KANK3: variants seen among roughly 807,000 people sequenced by gnomAD.
KANK3 encodes the protein KN motif and ankyrin repeat domain-containing protein 3.
KANK3 carries 61 observed loss-of-function variants against 65.4 expected under a neutral mutation model. That is an observed-to-expected ratio of 0.93 (90% CI 0.76 to 1.15). KANK3 has a LOEUF of 1.15. KANK3 is among the 50% of genes most tolerant of loss of function. The pLI is 0.00. For synonymous variants in KANK3, 586 were observed against 543.3 expected (o/e 1.08, Z -1.09); for missense variants, 1,187 against 1,178.8 (o/e 1.01, Z -0.10).
rs1462129637 is a variant in KANK3 at position 8,335,210 on chromosome 19, G to A, written c.617C>T (p.Thr206Met). ...CACCTGCTCCTGCAGCTCGGGCAGC[G>A]TTCGCGCCTGGTCCTCGAGCTCGCG... Reference protein sequence around the residue: ...RLRELEDQARTLPELQEQVRA... With the variant: ...RLRELEDQARMLPELQEQVRA... Residue 206 changes from threonine (T) to methionine (M), a missense_variant, in exon 3 of 11, where the codon ACG becomes ATG. This residue lies in a region of KANK3 where 1,078 missense variants were observed against 1,038.2 expected (regional missense o/e 1.04). Coordinates refer to ENST00000330915, the MANE Select transcript of KANK3 (RefSeq NM_198471.3). The A allele has an allele frequency of 1.3e-5, 16 of 1,220,686 alleles. No homozygotes were observed. The highest frequency in any genetic ancestry group is 1.6e-5 in the Non-Finnish European group (16 of 980,306). The allele number at this position is 1,220,686 out of a possible 1,614,324, so 75.6% of individuals were successfully genotyped here. A position where few individuals can be genotyped will look rare whatever the true frequency, so the allele number is the denominator to read the frequency against.
At chr19:8,340,291 T>TATATATATATATACACACAC (rs1472181365) in intron 1 of KANK3, among the ~76,000 whole-genome samples, 1 of 92,860 alleles carries the variant, frequency 1.1e-5, no homozygotes, top group African/African-American at 4.4e-5. Context: ...TATATATATA[T>TATATATATATATACACACAC]ACACACACAC....
chr19:8,333,247 C>A lies in KANK3; in HGVS notation c.1720-17G>T. On this transcript the variant is annotated splice_polypyrimidine_tract_variant and intron_variant, in intron 6 of 10. Transcript: ENST00000330915. The surrounding 1 kb of genome is among the most constrained non-coding windows in gnomAD (Gnocchi z 5.0). ...CACTGCGCCCTGCAAGGGACAGGGG[C>A]CAAGATAACATCGGCGATGGTCCAC... The A allele has an allele frequency of 6.3e-7, 1 of 1,592,762 alleles. No homozygotes were observed.
intron 2 of KANK3, among the ~76,000 whole-genome samples, chr19:8,337,112 A>T (rs1970653419): frequency 6.6e-6 from 1 of 151,526 alleles, no homozygotes. Flanking sequence ...GGCTCATTGC[A>T]GCCTCTGCCT....
Position 8,335,630 on chromosome 19 carries a change from C to T in KANK3, c.197G>A (p.Gly66Glu). The change falls in exon 3 of 11, where the codon GGA (glycine) becomes GAA (glutamate). Residue 66 changes from glycine (G) to glutamate (E), a missense_variant. Around this residue, in one of 3 missense-constraint regions of KANK3, gnomAD observed 104 missense variants for 122.1 expected, o/e 0.85. Coordinates refer to ENST00000330915, the MANE Select transcript of KANK3 (RefSeq NM_198471.3). ...GCGGGGACGGCGCGAGGTCGGGGGT[C>T]CCGGGGCGCGGCGGGCAGCGGGGCC... ...ERGPAARRAPGPPTSRRPRAP... is the reference protein window; with the variant it reads ...ERGPAARRAPEPPTSRRPRAP... 8.0e-7 allele frequency: 1 copy of T among 1,243,564 alleles called. No homozygotes were observed. The allele number at this position is 1,243,564 out of a possible 1,614,324, so 77.0% of individuals were successfully genotyped here.
In KANK3 at chr19:8,337,226, C is replaced by T. The variant is rs1349776044; in HGVS notation, c.34+569G>A. On this transcript the variant is annotated intron_variant, in intron 2 of 10. Coordinates refer to ENST00000330915, the MANE Select transcript of KANK3 (RefSeq NM_198471.3). Reference sequence around the variant, plus strand: ...TTTTTTTTTTTTTTTTTTTTTGAGACGCAGTCTCGCTCTGTCGCCCAGGCT... The same window carrying T: ...TTTTTTTTTTTTTTTTTTTTTGAGATGCAGTCTCGCTCTGTCGCCCAGGCT... Among the ~76,000 whole-genome samples the T allele has an allele frequency of 5.4e-5, 5 of 93,280 alleles. No individual in the cohort carries two copies. In the East Asian group the frequency reaches 1.1e-3, roughly 21 times the overall value. The allele number at this position is 93,280 out of a possible 152,430, so 61.2% of individuals were successfully genotyped here.
chr19:8,341,223 CTTTT>C (rs34406874), intron 1 of KANK3, among the ~76,000 whole-genome samples: 2 of 138,702 alleles, frequency 1.4e-5, no homozygotes, highest in Non-Finnish European at 1.6e-5. Flanking sequence ...TGGATATTTA[CTTTT>C]TTTTTTTTTT....
intron 7 of KANK3, among the ~76,000 whole-genome samples, chr19:8,329,115 G>T (rs1426118032): frequency 6.7e-6 from 1 of 149,708 alleles, no homozygotes; most frequent in Non-Finnish European, 1.5e-5. Context: ...ACCTTGCAGT[G>T]AGCCGAGATG....
Position 8,333,717 on chromosome 19 carries a change from C to A in KANK3, c.1719+7G>T. 5.5e-6 allele frequency: 8 copies of A among 1,451,016 alleles called. No individual in the cohort carries two copies. The highest frequency in any genetic ancestry group is 6.4e-6 in the Non-Finnish European group (7 of 1,099,886). 89.9% of individuals were successfully genotyped at this position (1,451,016 alleles called of 1,614,324 possible). A position where few individuals can be genotyped will look rare whatever the true frequency, so the allele number is the denominator to read the frequency against. ...ACTCCCTGGTGCTGCGCTCCCGGGG[C>A]ACTCACGCCGTCGCTGGCTACTCCG... On this transcript the variant is annotated splice_region_variant and intron_variant, in intron 6 of 10. Coordinates refer to ENST00000330915, the MANE Select transcript of KANK3 (RefSeq NM_198471.3). This position sits in a 1 kb window ranked among gnomAD's most constrained non-coding sequence, Gnocchi z 5.0.
intron 7 of KANK3, among the ~76,000 whole-genome samples, chr19:8,328,998 T>C (rs1351095593): frequency 6.8e-6 from 1 of 146,364 alleles, no homozygotes; most frequent in Non-Finnish European, 1.5e-5. Flanking sequence ...TGAAACCCCA[T>C]CTCTACTAAA....
Position 8,335,203 on chromosome 19 carries a change from G to T in KANK3, c.624C>A (p.Pro208=). 1.6e-6 allele frequency: 2 copies of T among 1,219,438 alleles called. No homozygotes were observed. The highest frequency in any genetic ancestry group is 2.0e-6 in the Non-Finnish European group (2 of 979,952). The allele number at this position is 1,219,438 out of a possible 1,614,324, so 75.5% of individuals were successfully genotyped here. The change falls in exon 3 of 11, where the codon CCC becomes CCA. Residue 208 remains proline (P), a synonymous_variant. Transcript: ENST00000330915. ...RELEDQARTL[P]ELQEQVRALR... is the part of the protein sequence containing the mutation. Reference sequence around the variant, plus strand: ...GCGCGCGCACCTGCTCCTGCAGCTCGGGCAGCGTTCGCGCCTGGTCCTCGA... The same window carrying T: ...GCGCGCGCACCTGCTCCTGCAGCTCTGGCAGCGTTCGCGCCTGGTCCTCGA...
intron 10 of KANK3, chr19:8,323,528 T>A (rs1349777340): frequency 6.6e-6 from 1 of 151,974 alleles, no homozygotes; most frequent in East Asian, 1.9e-4. Flanking sequence ...ATTGTGCCGC[T>A]GCACTCCAGC....
At chr19:8,339,980 A>G (rs149585449) in intron 1 of KANK3, among the ~76,000 whole-genome samples, 4,776 of 95,632 alleles carry the variant, frequency 0.05, 144 homozygotes, top group African/African-American at 0.089. Flanking sequence ...AAAAAAAAAA[A>G]AAAAGAAAAG....
Position 8,334,927 on chromosome 19 carries a change from G to A in KANK3, c.900C>T (p.Thr300=), listed in dbSNP as rs1247924212. Residue 300 remains threonine, a synonymous_variant, in exon 3 of 11, where the codon ACC becomes ACT. Coordinates refer to ENST00000330915, the MANE Select transcript of KANK3 (RefSeq NM_198471.3). The part of the protein sequence containing the change: ...EVGSLDGTPQ[T]REVAAEAVPE... Reference sequence around the variant, plus strand: ...GCACGGCCTCGGCGGCCACCTCCCGGGTCTGGGGCGTCCCATCGAGACTCC... The same window carrying A: ...GCACGGCCTCGGCGGCCACCTCCCGAGTCTGGGGCGTCCCATCGAGACTCC... The A allele has an allele frequency of 8.8e-6, 13 of 1,479,428 alleles. No homozygotes were observed. The highest frequency in any genetic ancestry group is 2.9e-5 in the East Asian group (1 of 34,856). The allele number at this position is 1,479,428 out of a possible 1,614,324, so 91.6% of individuals were successfully genotyped here.
intron 7 of KANK3, among the ~76,000 whole-genome samples, chr19:8,328,189 G>A (rs1489359427): frequency 6.6e-6 from 1 of 151,986 alleles, no homozygotes; most frequent in East Asian, 1.9e-4. Flanking sequence ...GAGGAGGGAG[G>A]ATCAATTAGG....
Position 8,333,111 on chromosome 19 carries a change from C to T in KANK3, c.1839G>A (p.Ala613=), listed in dbSNP as rs368061289. ...TGCCATCCGCCAGGTTCACCACGTG[C>T]GCCAGCAGTTCGGGTCCCAGGCGCC... ...GVRRLGPELL[A]HVVNLADGNG... The change falls in exon 7 of 11, where the codon GCG becomes GCA. Residue 613 remains alanine, a synonymous_variant. Transcript: ENST00000330915. The surrounding 1 kb of genome is among the most constrained non-coding windows in gnomAD (Gnocchi z 5.0). The T allele has an allele frequency of 1.1e-5, 18 of 1,613,094 alleles. No homozygotes were observed. Among genetic ancestry groups the T allele is most frequent in the African/African-American group, 1.1e-4 (8 of 75,022 alleles).
At chr19:8,334,209 G>C in intron 4 of KANK3, 93 bp from the exon 5 acceptor site, 2 of 1,519,828 alleles carry the variant, frequency 1.3e-6, no homozygotes, top group Non-Finnish European at 8.8e-7. Flanking sequence ...ATTTAACGAT[G>C]AGGAAACTGA....
chr19:8,331,180 G>A (rs1041616889), intron 7 of KANK3, among the ~76,000 whole-genome samples: 8 of 147,064 alleles, frequency 5.4e-5, no homozygotes, highest in African/African-American at 2.0e-4. Flanking sequence ...GGGCGACAGA[G>A]CAAGACTCCA....
At position 8,335,024 on chromosome 19, in the gene KANK3, C is replaced by CG. The variant is rs1970607476; in HGVS notation, c.802dup (p.Arg268ProfsTer3). 1.4e-6 allele frequency: 2 copies of CG among 1,437,076 alleles called. No homozygotes were observed. The highest frequency in any genetic ancestry group is 1.8e-6 in the Non-Finnish European group (2 of 1,104,190). The allele number at this position is 1,437,076 out of a possible 1,614,324, so 89.0% of individuals were successfully genotyped here. A position where few individuals can be genotyped will look rare whatever the true frequency, so the allele number is the denominator to read the frequency against. ...AGCCAGGCCGTCTGGGCTGTCAGCC[C>CG]GGGGGCTGGCCCTGGCACGGCCGCC... is the stretch of plus-strand genomic sequence containing the variant. On this transcript the variant is annotated frameshift_variant, in exon 3 of 11. Transcript: ENST00000330915. LOFTEE classifies it high-confidence loss of function.
Position 8,333,634 on chromosome 19 carries a change from A to C in KANK3, c.1719+90T>G. 2 of 1,078,284 alleles carry C rather than the reference A, an allele frequency of 1.9e-6. No individual in the cohort carries two copies. The highest frequency in any genetic ancestry group is 2.5e-6 in the Non-Finnish European group (2 of 787,198). 66.8% of individuals were successfully genotyped at this position (1,078,284 alleles called of 1,614,324 possible). A position where few individuals can be genotyped will look rare whatever the true frequency, so the allele number is the denominator to read the frequency against. On this transcript the variant is annotated intron_variant, in intron 6 of 10. Coordinates refer to ENST00000330915, the MANE Select transcript of KANK3 (RefSeq NM_198471.3). The surrounding 1 kb of genome is among the most constrained non-coding windows in gnomAD (Gnocchi z 5.0). ...CAGGCGAGGTGCCTGGCGGGAAGGG[A>C]TGGAACCCGGTGTGCTCCCCTAAGT...
Sources: allele counts gnomAD v4.1 joint callset (sites outside exome capture counted in the v4.1 genomes callset), GRCh38; gene constraint gnomAD v4.1.1; regional missense constraint gnomAD v4.1.1; non-coding constraint Gnocchi (gnomAD v3.1); transcripts MANE v1.5; gene names NCBI Gene and HGNC (gene_info 2026-07-23, HGNC 2026-07-21).